The following ADCY2 variants were observed in gnomAD, a reference collection of about 807,000 sequenced individuals.
The protein encoded by ADCY2 is adenylate cyclase type 2.
ADCY2 carries 31 observed loss-of-function variants against 125.2 expected under a neutral mutation model. The ratio of observed to expected loss-of-function variants is 0.25; its 90% CI spans 0.19 to 0.33. The LOEUF (loss-of-function observed/expected upper bound fraction) is 0.33. ADCY2 is among the 10% of genes least tolerant of loss of function. The probability of loss-of-function intolerance (pLI) is 1.00; values close to 1 mark genes in which losing one functional copy is unlikely to be tolerated. For missense variants in ADCY2, 904 were observed against 1,418.2 expected (o/e 0.64, Z 5.82); for synonymous variants, 512 against 548.4 (o/e 0.93, Z 0.93).
chr5:7,726,674 T>C (rs1031023666), intron 13 of ADCY2, among the ~76,000 whole-genome samples: 1 of 152,166 alleles, frequency 6.6e-6, no homozygotes, highest in Non-Finnish European at 1.5e-5. Context: ...CTTATAACTT[T>C]ACCCATCACC....
At chr5:7,707,900 T>G (rs930278143) in intron 9 of ADCY2, 62 bp downstream of exon 9, 18 of 1,554,192 alleles carry the variant, frequency 1.2e-5, no homozygotes, top group Non-Finnish European at 1.5e-5. Context: ...TTGATATTCA[T>G]AAGTGTTTTT....
At chr5:7,613,415 T>C (rs1006835131) in intron 3 of ADCY2, among the ~76,000 whole-genome samples, 7 of 152,052 alleles carry the variant, frequency 4.6e-5, no homozygotes, top group African/African-American at 1.7e-4. Flanking sequence ...CATCCCGCAT[T>C]AGGGGAGACC....
rs1028830930 is a variant in ADCY2 at position 7,630,936 on chromosome 5, C to T, written c.720+4620C>T. ...CCAAGTAGGAGGGACTACAGGTGTC[C>T]ACCACCACACCTGGCTAACTTTTGT... On this transcript the variant is annotated intron_variant, in intron 4 of 24. Coordinates refer to ENST00000338316, the MANE Select transcript of ADCY2 (RefSeq NM_020546.3). Among the ~76,000 whole-genome samples the T allele has an allele frequency of 4.1e-4, 62 of 152,014 alleles. 1 individual carries two copies. Among genetic ancestry groups the T allele is most frequent in the African/African-American group, 1.5e-3 (61 of 41,484 alleles).
chr5:7,737,364 T>C (rs1187553663), intron 14 of ADCY2, among the ~76,000 whole-genome samples: 1 of 152,184 alleles, frequency 6.6e-6, no homozygotes, highest in East Asian at 1.9e-4. Flanking sequence ...TTGCAGATGC[T>C]AGAACCATGC....
chr5:7,675,401 C>T (rs1740088928), intron 4 of ADCY2, among the ~76,000 whole-genome samples: 1 of 152,116 alleles, frequency 6.6e-6, no homozygotes, highest in South Asian at 2.1e-4. Context: ...GCCCTTCCCC[C>T]ACCAAATGAT....
chr5:7,408,801 C>T (rs1444269713), intron 1 of ADCY2, among the ~76,000 whole-genome samples: 2 of 152,128 alleles, frequency 1.3e-5, no homozygotes, highest in South Asian at 4.2e-4. Flanking sequence ...TTAGTTCAGG[C>T]ATTGTGGGAG....
At chr5:7,788,169 T>C (rs1744138660) in intron 19 of ADCY2, among the ~76,000 whole-genome samples, 1 of 152,146 alleles carries the variant, frequency 6.6e-6, no homozygotes, top group African/African-American at 2.4e-5. Flanking sequence ...AAACAAACTT[T>C]TATTTTTGGG....
At chr5:7,823,901 G>A (rs950305555) in intron 24 of ADCY2, among the ~76,000 whole-genome samples, 3 of 152,126 alleles carry the variant, frequency 2.0e-5, no homozygotes, top group Non-Finnish European at 4.4e-5. Context: ...ACTCAGGGCA[G>A]GTCGGCCACC....
intron 6 of ADCY2, 66 bp from the exon 7 acceptor site, chr5:7,698,180 AT>A: frequency 1.3e-6 from 2 of 1,596,018 alleles, no homozygotes; most frequent in Non-Finnish European, 1.7e-6. Context: ...GCTTGATGAT[AT>A]TACATGAATC....
At chr5:7,658,429 G>GTGTGTGTA in intron 4 of ADCY2, among the ~76,000 whole-genome samples, 2 of 127,068 alleles carry the variant, frequency 1.6e-5, no homozygotes, top group African/African-American at 5.4e-5. Flanking sequence ...GTGTGTGTGT[G>GTGTGTGTA]TGTATATATA....
At chr5:7,559,847 G>T (rs1735652383) in intron 3 of ADCY2, among the ~76,000 whole-genome samples, 1 of 152,176 alleles carries the variant, frequency 6.6e-6, no homozygotes, top group African/African-American at 2.4e-5. Context: ...GCCTACTTCA[G>T]AAAGATAAAA....
At chr5:7,644,591 A>T (rs1298828074) in intron 4 of ADCY2, among the ~76,000 whole-genome samples, 10 of 152,120 alleles carry the variant, frequency 6.6e-5, no homozygotes, top group Admixed American at 6.5e-4. Flanking sequence ...TCTATATTTC[A>T]TTAACACCAT....
intron 4 of ADCY2, among the ~76,000 whole-genome samples, chr5:7,674,836 A>G (rs933479292): frequency 6.6e-6 from 1 of 152,126 alleles, no homozygotes; most frequent in Non-Finnish European, 1.5e-5. Context: ...TGTAGTGGTG[A>G]ATTTCCTTTG....
intron 3 of ADCY2, among the ~76,000 whole-genome samples, chr5:7,552,010 A>G (rs1735360197): frequency 6.6e-6 from 1 of 152,236 alleles, no homozygotes; most frequent in Non-Finnish European, 1.5e-5. Flanking sequence ...GCTAAAAATA[A>G]TGAAATCAGT....
At chr5:7,630,033 G>C (rs1738263171) in intron 4 of ADCY2, among the ~76,000 whole-genome samples, 1 of 152,174 alleles carries the variant, frequency 6.6e-6, no homozygotes, top group South Asian at 2.1e-4. Context: ...GAACCATCCT[G>C]TGGATCAAAT....
intron 2 of ADCY2, among the ~76,000 whole-genome samples, chr5:7,506,423 C>T (rs1743814990): frequency 6.6e-6 from 1 of 152,056 alleles, no homozygotes; most frequent in Admixed American, 6.6e-5. Flanking sequence ...TCCCTTATCT[C>T]CCCAGTCCTT....
chr5:7,405,732 G>A (rs1373692144), intron 1 of ADCY2, among the ~76,000 whole-genome samples: 1 of 152,246 alleles, frequency 6.6e-6, no homozygotes, highest in Non-Finnish European at 1.5e-5. Context: ...ATGATACAGG[G>A]AAGGGGATTA....
intron 4 of ADCY2, among the ~76,000 whole-genome samples, chr5:7,673,307 A>G (rs1162918202): frequency 8.0e-6 from 1 of 124,770 alleles, no homozygotes; most frequent in Non-Finnish European, 1.7e-5. Flanking sequence ...GGTGTTGTGG[A>G]ACATGCCTGT....
intron 18 of ADCY2, among the ~76,000 whole-genome samples, chr5:7,783,344 C>T (rs1366170003): frequency 1.3e-5 from 2 of 152,256 alleles, no homozygotes; most frequent in Non-Finnish European, 2.9e-5. Context: ...CTAAAACAGC[C>T]TGCAGGGTAG....
Sources: allele counts gnomAD v4.1 joint callset (sites outside exome capture counted in the v4.1 genomes callset), GRCh38; gene constraint gnomAD v4.1.1; transcripts MANE v1.5; gene names NCBI Gene and HGNC (gene_info 2026-07-23, HGNC 2026-07-21).